PAK3: variants seen among roughly 807,000 people sequenced by gnomAD.
PAK3 encodes serine/threonine-protein kinase PAK 3.
Under a neutral mutation model 41.0 loss-of-function variants are expected in PAK3, and 4 were observed. The ratio of observed to expected loss-of-function variants is 0.10; its 90% CI spans 0.05 to 0.22. The LOEUF is 0.22. PAK3 is among the 10% of genes least tolerant of loss of function. PAK3 has a pLI of 1.00. For synonymous variants in PAK3, 146 were observed against 139.6 expected (o/e 1.05, Z -0.32); for missense variants, 205 against 409.9 (o/e 0.50, Z 4.32).
At chrX:111,068,537 A>C (rs1269722003) in intron 1 of PAK3, among the ~76,000 whole-genome samples, 1 of 112,535 alleles carries the variant, frequency 8.9e-6, no homozygotes, top group Non-Finnish European at 1.9e-5. Context: ...CCTGGGTTCA[A>C]ACAATCTGCC....
chrX:111,182,099 C>T (rs1053720936), intron 11 of PAK3, among the ~76,000 whole-genome samples: 6 of 111,455 alleles, frequency 5.4e-5, no homozygotes, highest in Admixed American at 1.9e-4. Context: ...AGAGTTTGCA[C>T]GTTAACTTGT....
Position 111,123,292 on chromosome X carries a change from G to T in PAK3, c.175+14G>T, listed in dbSNP as rs2093605278. ...GAGGGGATAAAAGTAAAGTATCAGT[G>T]GCCGGGCATTGAAAATGGGCTAGTT... On this transcript the variant is annotated intron_variant, in intron 5 of 17. Transcript: ENST00000372007. The T allele has an allele frequency of 8.5e-7, 1 of 1,172,568 alleles. No homozygotes were observed.
intron 1 of PAK3, among the ~76,000 whole-genome samples, chrX:110,997,686 A>C (rs182275797): frequency 1.8e-5 from 2 of 111,697 alleles, no homozygotes; most frequent in East Asian, 5.7e-4. Context: ...TCAACTTGTT[A>C]AGTTTGATGT....
At position 111,222,241 on chromosome X, in the gene PAK3, C is replaced by G. The variant is rs757616745; in HGVS notation, c.*1794C>G. ...TCTCTCCTTCTTTGCCAAGGTACAT[C>G]CATCCATCTAACCATCCATATATCC... On this transcript the variant is annotated 3_prime_UTR_variant, in exon 18 of 18. Coordinates refer to ENST00000372007, the MANE Select transcript of PAK3 (RefSeq NM_002578.5). The G allele has an allele frequency of 1.8e-5, 2 of 112,007 alleles. No homozygotes were observed. Among genetic ancestry groups the G allele is most frequent in the South Asian group, 7.4e-4 (2 of 2,698 alleles). 9.2% of individuals were successfully genotyped at this position (112,007 alleles called of 1,213,427 possible).
At chrX:111,012,418 TCCAGATG>T (rs1291844354) in intron 1 of PAK3, among the ~76,000 whole-genome samples, 1 of 111,997 alleles carries the variant, frequency 8.9e-6, no homozygotes, top group East Asian at 2.8e-4. Context: ...GACTAATTTC[TCCAGATG>T]CCTTCTTTCA....
At chrX:111,002,205 A>G (rs1280245297) in intron 1 of PAK3, among the ~76,000 whole-genome samples, 1 of 111,839 alleles carries the variant, frequency 8.9e-6, no homozygotes, top group Admixed American at 9.5e-5. Flanking sequence ...GTATTGTTTC[A>G]TTTAGCCCTC....
At chrX:111,050,311 TA>T (rs746955517) in intron 1 of PAK3, among the ~76,000 whole-genome samples, 11 of 111,432 alleles carry the variant, frequency 9.9e-5, no homozygotes, top group African/African-American at 3.6e-4. Context: ...GATATCAAGA[TA>T]AGCAATGGAG....
chrX:111,161,748 G>C (rs991122646), intron 8 of PAK3, among the ~76,000 whole-genome samples: 6 of 100,593 alleles, frequency 6.0e-5, no homozygotes, highest in African/African-American at 1.5e-4. Context: ...GCTTGTTTTT[G>C]TCAGTTTGTC....
At chrX:111,024,271 G>C (rs773000194) in intron 1 of PAK3, among the ~76,000 whole-genome samples, 1 of 111,375 alleles carries the variant, frequency 9.0e-6, no homozygotes, top group Non-Finnish European at 1.9e-5. Context: ...GTTGGTACAG[G>C]ACCATGCTGT....
chrX:111,142,639 T>A (rs944891618), intron 6 of PAK3, among the ~76,000 whole-genome samples: 7 of 112,263 alleles, frequency 6.2e-5, no homozygotes, highest in Admixed American at 9.4e-5. Flanking sequence ...TCTATGGAAC[T>A]GACCTGTTTT....
intron 1 of PAK3, among the ~76,000 whole-genome samples, chrX:111,004,319 G>A (rs1000118592): frequency 1.1e-4 from 12 of 111,988 alleles, no homozygotes; most frequent in Non-Finnish European, 2.3e-4. Flanking sequence ...TCTTACTTAA[G>A]GCAGTGACAA....
rs186048877 is a variant in PAK3 at position 110,993,965 on chromosome X, T to C, written c.-28+49337T>C. On this transcript the variant is annotated intron_variant, in intron 1 of 14. Coordinates refer to the PAK3 transcript ENST00000425146. ...TAGAGACTGTTACATGACCTGCTCT[T>C]TTCACTTACAATCCTTTGGAAACGT... Among the ~76,000 whole-genome samples the C allele has an allele frequency of 2.2e-3, 249 of 112,178 alleles. 1 individual carries two copies. The highest frequency in any genetic ancestry group is 7.5e-3 in the African/African-American group (231 of 30,881).
intron 1 of PAK3, among the ~76,000 whole-genome samples, chrX:111,019,706 A>AAG (rs1491062330): frequency 3.0e-5 from 1 of 33,779 alleles, no homozygotes; most frequent in African/African-American, 7.4e-5. Flanking sequence ...AAAAAAAAGA[A>AAG]AGAAAGAAAA....
At chrX:111,124,438 A>G (rs760448659) in intron 5 of PAK3, among the ~76,000 whole-genome samples, 32 of 111,868 alleles carry the variant, frequency 2.9e-4, no homozygotes, top group Non-Finnish European at 5.3e-4. Flanking sequence ...TTTAGGGTGT[A>G]CCATAATGTG....
At chrX:111,004,030 A>G (rs2091887244) in intron 1 of PAK3, among the ~76,000 whole-genome samples, 1 of 112,297 alleles carries the variant, frequency 8.9e-6, no homozygotes, top group South Asian at 3.7e-4. Flanking sequence ...GAAAGAGTAA[A>G]TGAGATAATG....
At chrX:111,166,005 G>C (rs1211386142) in intron 10 of PAK3, among the ~76,000 whole-genome samples, 1 of 110,191 alleles carries the variant, frequency 9.1e-6, no homozygotes, top group Non-Finnish European at 1.9e-5. Context: ...TTCATGCTTG[G>C]GCATAGAGAG....
rs778699348 is a variant in PAK3, at chrX:111,220,636, C to A, written c.*189C>A. 1.6e-5 allele frequency: 7 copies of A among 451,383 alleles called. No individual in the cohort carries two copies. The highest frequency in any genetic ancestry group is 2.7e-5 in the Non-Finnish European group (7 of 256,696). 37.2% of individuals were successfully genotyped at this position (451,383 alleles called of 1,213,427 possible). A position where few individuals can be genotyped will look rare whatever the true frequency, so the allele number is the denominator to read the frequency against. On this transcript the variant is annotated 3_prime_UTR_variant, in exon 18 of 18. Coordinates refer to ENST00000372007, the MANE Select transcript of PAK3 (RefSeq NM_002578.5). ...GTAATTTATTTGTAAGCCTGAATCG[C>A]AGCCCAAACAGGGCAGCAATGTTGA...
At chrX:110,952,682 T>G (rs2090768817) in intron 1 of PAK3, among the ~76,000 whole-genome samples, 1 of 111,380 alleles carries the variant, frequency 9.0e-6, no homozygotes, top group African/African-American at 3.3e-5. Flanking sequence ...ATAATTTGGA[T>G]TACTTGAACT....
chrX:111,196,838 TTTTC>T (rs200277890), intron 16 of PAK3, among the ~76,000 whole-genome samples, 198 bp downstream of exon 16: 22 of 100,878 alleles, frequency 2.2e-4, no homozygotes, highest in East Asian at 8.5e-4. Flanking sequence ...TTCCTTGTCT[TTTTC>T]TTTCTTTCTT....
Sources: gnomAD v4.1 joint callset for allele counts (sites outside exome capture counted in the v4.1 genomes callset) on GRCh38, gnomAD v4.1.1 for gene constraint, MANE v1.5 for transcripts, NCBI Gene and HGNC (gene_info 2026-07-23, HGNC 2026-07-21) for gene names.